ABHD6: variants seen among roughly 807,000 people sequenced by gnomAD.
The protein encoded by ABHD6 is monoacylglycerol lipase ABHD6.
Under a neutral mutation model 38.8 loss-of-function variants are expected in ABHD6, and 33 were observed. The ratio of observed to expected loss-of-function variants is 0.85; its 90% confidence interval spans 0.64 to 1.14. The LOEUF (loss-of-function observed/expected upper bound fraction) is 1.14, where lower values mean the gene tolerates loss of function less well. Among genes scored for constraint, ABHD6 ranks in the 50% most tolerant of loss-of-function variants. ABHD6 has a pLI of 0.00. For missense variants in ABHD6, 380 were observed against 422.6 expected (o/e 0.90, Z 0.88); for synonymous variants, 147 against 161.6 (o/e 0.91, Z 0.69).
At chr3:58,286,327 AT>A (rs544235325) in intron 9 of ABHD6, among the ~76,000 whole-genome samples, 2 of 150,066 alleles carry the variant, frequency 1.3e-5, no homozygotes, top group African/African-American at 4.9e-5. Flanking sequence ...CAATTTTTGT[AT>A]TTTTTTTAGT....
intron 7 of ABHD6, 89 bp from the exon 8 acceptor site, chr3:58,284,996 C>G: frequency 1.6e-6 from 2 of 1,247,562 alleles, no homozygotes; most frequent in South Asian, 1.2e-5. Context: ...AATTGCTGGA[C>G]CTCATTCCCA....
intron 3 of ABHD6, among the ~76,000 whole-genome samples, chr3:58,262,451 G>T (rs769756505): frequency 6.6e-6 from 1 of 152,162 alleles, no homozygotes; most frequent in African/African-American, 2.4e-5. Context: ...CCCCGAGGAG[G>T]TCCTCTTTGG....
At chr3:58,274,273 T>C (rs1430996291) in intron 6 of ABHD6, among the ~76,000 whole-genome samples, 1 of 152,232 alleles carries the variant, frequency 6.6e-6, no homozygotes. Context: ...CACTCAGATA[T>C]GCTTAGGCAA....
intron 3 of ABHD6, among the ~76,000 whole-genome samples, chr3:58,260,224 A>C (rs1273875971): frequency 6.6e-6 from 1 of 152,224 alleles, no homozygotes; most frequent in Non-Finnish European, 1.5e-5. Flanking sequence ...GAGCCTCTTT[A>C]ATTGGCAGTA....
chr3:58,278,161 G>A (rs918227673), intron 7 of ABHD6, among the ~76,000 whole-genome samples: 1 of 152,138 alleles, frequency 6.6e-6, no homozygotes, highest in African/African-American at 2.4e-5. Context: ...GATTGGAATC[G>A]TTTCCAAAGG....
At position 58,259,651 on chromosome 3, in the gene ABHD6, A is replaced by T. The variant is rs548597505; in HGVS notation, c.119+2946A>T. On this transcript the variant is annotated intron_variant, in intron 3 of 9. Coordinates refer to ENST00000478253, the MANE Select transcript of ABHD6 (RefSeq NM_001320126.2). The surrounding 1 kb of genome is among the most constrained non-coding windows in gnomAD (Gnocchi z 4.7). ...AGCCGAGATCGTGCCACTACACTTC[A>T]GCCTGGGTGACAGAGATGAGACTCT... Among the ~76,000 whole-genome samples the T allele has an allele frequency of 1.2e-4, 18 of 152,388 alleles. No homozygotes were observed. In the South Asian group the frequency reaches 2.5e-3, roughly 21 times the overall value.
rs542069109 is a variant in ABHD6, at chr3:58,239,987, C to CA, written c.-91+2086dup. ...CAACATGGTGAAACCCCATCTCTAC[C>CA]AAAAAAAAAAAAAAATTAGCTGGGA... On this transcript the variant is annotated intron_variant, in intron 1 of 9. Coordinates refer to ENST00000478253, the MANE Select transcript of ABHD6 (RefSeq NM_001320126.2). Among the ~76,000 whole-genome samples the CA allele has an allele frequency of 3.2e-3, 418 of 129,466 alleles. 1 individual carries two copies. Among genetic ancestry groups the CA allele is most frequent in the African/African-American group, 5.7e-3 (201 of 35,126 alleles). The allele number at this position is 129,466 out of a possible 152,430, so 84.9% of individuals were successfully genotyped here. A position where few individuals can be genotyped will look rare whatever the true frequency, so the allele number is the denominator to read the frequency against.
chr3:58,261,995 A>G (rs979240848), intron 3 of ABHD6, among the ~76,000 whole-genome samples: 1 of 152,240 alleles, frequency 6.6e-6, no homozygotes, highest in African/African-American at 2.4e-5. Flanking sequence ...ATAGAATATT[A>G]TTCAGCCTTA....
intron 7 of ABHD6, among the ~76,000 whole-genome samples, chr3:58,279,930 T>C (rs966160887): frequency 6.6e-6 from 1 of 152,236 alleles, no homozygotes; most frequent in African/African-American, 2.4e-5. Flanking sequence ...CAGTCTCTTC[T>C]GGCTTGTAGG....
chr3:58,291,993 CA>C (rs2097463428), intron 9 of ABHD6, among the ~76,000 whole-genome samples: 1 of 152,174 alleles, frequency 6.6e-6, no homozygotes, highest in African/African-American at 2.4e-5. Context: ...TCCACTTTTT[CA>C]TGCTGTTTTC....
In ABHD6 at chr3:58,269,601, T is replaced by C. The variant is rs1042661684; in HGVS notation, c.390+167T>C. ...AATGGCAACCTGATGATATCTCTGG[T>C]TGGCAATGGAGGGCCAGGGCTTATT... On this transcript the variant is annotated intron_variant, in intron 5 of 9. Transcript: ENST00000478253. The surrounding 1 kb of genome is among the most constrained non-coding windows in gnomAD (Gnocchi z 4.4). Among the ~76,000 whole-genome samples the C allele has an allele frequency of 1.3e-5, 2 of 152,254 alleles. No individual in the cohort carries two copies. The highest frequency in any genetic ancestry group is 1.3e-4 in the Admixed American group (2 of 15,292).
intron 7 of ABHD6, among the ~76,000 whole-genome samples, chr3:58,283,142 C>G (rs760888425): frequency 6.6e-6 from 1 of 152,174 alleles, no homozygotes; most frequent in South Asian, 2.1e-4. Flanking sequence ...TTAATAGATA[C>G]GGCCTGTCCC....
chr3:58,290,044 A>AAC (rs2097460776), intron 9 of ABHD6, among the ~76,000 whole-genome samples: 1 of 105,832 alleles, frequency 9.4e-6, no homozygotes, highest in African/African-American at 4.2e-5. Context: ...CGGGGGGCTG[A>AAC]CATCCCCACC....
chr3:58,262,650 T>G (rs1353919077), intron 3 of ABHD6, among the ~76,000 whole-genome samples: 1 of 152,254 alleles, frequency 6.6e-6, no homozygotes, highest in Non-Finnish European at 1.5e-5. Flanking sequence ...TATTCTCTAT[T>G]ATCTATTATC....
chr3:58,276,213 C>T lies in ABHD6; in HGVS notation c.681+1398C>T, dbSNP rs2097448596. ...CACACTGTCTTCCACAATGGTTGAA[C>T]TACTTTACACTCCCACCAACAGTGT... On this transcript the variant is annotated intron_variant, in intron 7 of 9. Coordinates refer to ENST00000478253, the MANE Select transcript of ABHD6 (RefSeq NM_001320126.2). 1.3e-5 allele frequency among the ~76,000 whole-genome samples: 2 copies of T among 152,218 alleles called. 1 individual carries two copies. Among genetic ancestry groups the T allele is most frequent in the South Asian group, 4.1e-4 (2 of 4,830 alleles).
chr3:58,260,765 C>T lies in ABHD6; in HGVS notation c.119+4060C>T, dbSNP rs79052436. Among the ~76,000 whole-genome samples the T allele has an allele frequency of 8.2e-3, 1,250 of 152,292 alleles. 13 individuals are homozygous for T. Among genetic ancestry groups the T allele is most frequent in the African/African-American group, 0.028 (1,171 of 41,558 alleles). ...TAGAGGTAGCTTGGCACCCAGTCCCCGTTCCCCGCTGCCCTGCCATATGAG... is the reference window on the plus strand; with the variant it reads ...TAGAGGTAGCTTGGCACCCAGTCCCTGTTCCCCGCTGCCCTGCCATATGAG... On this transcript the variant is annotated intron_variant, in intron 3 of 9. Coordinates refer to ENST00000478253, the MANE Select transcript of ABHD6 (RefSeq NM_001320126.2).
At chr3:58,286,844 G>GTATATATA (rs1553721712) in intron 9 of ABHD6, among the ~76,000 whole-genome samples, 2 of 50,068 alleles carry the variant, frequency 4.0e-5, no homozygotes, top group African/African-American at 1.1e-4. Flanking sequence ...GTGTGTGTGT[G>GTATATATA]TGTGTGTGTA....
chr3:58,242,741 C>T (rs1352223396), intron 1 of ABHD6, among the ~76,000 whole-genome samples: 2 of 152,138 alleles, frequency 1.3e-5, no homozygotes, highest in Non-Finnish European at 2.9e-5. Flanking sequence ...TATTATTATA[C>T]TTTAAGTTCT....
rs1185928821 is a variant in ABHD6, at chr3:58,293,518, T to C, written c.838-71T>C. 1 of 1,529,268 alleles carries C rather than the reference T, an allele frequency of 6.5e-7. No homozygotes were observed. The highest frequency in any genetic ancestry group is 8.9e-7 in the Non-Finnish European group (1 of 1,124,876). The allele number at this position is 1,529,268 out of a possible 1,614,324, so 94.7% of individuals were successfully genotyped here. ...ACCCCTGCCAGGCCTTGGTGGAAGT[T>C]CTGTCCACAGAGTGCACACGTGGGT... On this transcript the variant is annotated intron_variant, in intron 9 of 9. Transcript: ENST00000478253. The surrounding 1 kb of genome is among the most constrained non-coding windows in gnomAD (Gnocchi z 4.4).
Sources: gnomAD v4.1 joint callset for allele counts (sites outside exome capture counted in the v4.1 genomes callset) on GRCh38, gnomAD v4.1.1 for gene constraint, Gnocchi (gnomAD v3.1) non-coding constraint, MANE v1.5 for transcripts, NCBI Gene and HGNC (gene_info 2026-07-23, HGNC 2026-07-21) for gene names.